The following FRS2 variants were observed in gnomAD, a reference collection of about 807,000 sequenced individuals.
FRS2 encodes the protein fibroblast growth factor receptor substrate 2, also known as FGFR signalling adaptor.
Under a neutral mutation model 43.9 loss-of-function variants are expected in FRS2, and 8 were observed. The observed-to-expected ratio is 0.18, with a 90% confidence interval of 0.11 to 0.33. The LOEUF (loss-of-function observed/expected upper bound fraction) is 0.33. FRS2 is among the 10% of genes least tolerant of loss of function. FRS2 has a pLI of 1.00. For missense variants in FRS2, 534 were observed against 627.6 expected (o/e 0.85, Z 1.59); for synonymous variants, 219 against 220.3 (o/e 0.99, Z 0.05).
intron 1 of FRS2, among the ~76,000 whole-genome samples, chr12:69,485,182 TA>T (rs1331805016): frequency 6.6e-6 from 1 of 151,022 alleles, no homozygotes. Context: ...CTTATTTATT[TA>T]TTTATTTATT....
chr12:69,551,734 C>T (rs973443411), intron 3 of FRS2, among the ~76,000 whole-genome samples: 1 of 151,964 alleles, frequency 6.6e-6, no homozygotes, highest in Non-Finnish European at 1.5e-5. Context: ...AAGAACATCA[C>T]ATCAGTCGTG....
At chr12:69,549,477 T>G (rs1878687461) in intron 3 of FRS2, among the ~76,000 whole-genome samples, 1 of 152,206 alleles carries the variant, frequency 6.6e-6, no homozygotes, top group South Asian at 2.1e-4. Flanking sequence ...TTGTTGTGGT[T>G]AATTTTGCGT....
intron 1 of FRS2, among the ~76,000 whole-genome samples, chr12:69,471,972 A>C (rs1408819322): frequency 6.6e-6 from 1 of 152,230 alleles, no homozygotes; most frequent in African/African-American, 2.4e-5. Context: ...TGCAAAGGAA[A>C]ATTTATTTCA....
intron 1 of FRS2, among the ~76,000 whole-genome samples, chr12:69,471,794 G>C: frequency 6.6e-6 from 1 of 152,232 alleles, no homozygotes; most frequent in East Asian, 1.9e-4. Context: ...TCACCTTCTT[G>C]AAACCAGTGA....
intron 7 of FRS2, 102 bp downstream of exon 7, chr12:69,571,536 G>A (rs1565783411): frequency 2.2e-6 from 2 of 926,950 alleles, no homozygotes; most frequent in East Asian, 5.0e-5. Context: ...ATCACCACTG[G>A]ATAACAGAAG....
rs548196520 is a variant in FRS2, at chr12:69,575,303, T to C, written c.*348T>C. 5.0e-4 allele frequency: 110 copies of C among 219,190 alleles called. No individual in the cohort carries two copies. Among genetic ancestry groups the C allele is most frequent in the East Asian group, 3.1e-3 (30 of 9,644 alleles). 13.6% of individuals were successfully genotyped at this position (219,190 alleles called of 1,614,324 possible). On this transcript the variant is annotated 3_prime_UTR_variant, in exon 9 of 9. Transcript: ENST00000549921. ...CATGGTTGGCTTTTAAAACTTTTTA[T>C]AAAGCCTCTTGACAATGTACATTGC...
At chr12:69,485,344 G>C (rs566437315) in intron 1 of FRS2, among the ~76,000 whole-genome samples, 4 of 151,900 alleles carry the variant, frequency 2.6e-5, no homozygotes, top group Non-Finnish European at 5.9e-5. Flanking sequence ...CACCACGCCT[G>C]GCTAATTTTT....
intron 1 of FRS2, among the ~76,000 whole-genome samples, chr12:69,493,380 T>G (rs1872624616): frequency 1.3e-5 from 2 of 152,194 alleles, no homozygotes; most frequent in Admixed American, 1.3e-4. Context: ...TAAAATTGCT[T>G]AAAATGCCCT....
intron 1 of FRS2, among the ~76,000 whole-genome samples, chr12:69,491,117 A>G (rs1872438822): frequency 6.6e-6 from 1 of 152,160 alleles, no homozygotes; most frequent in Admixed American, 6.5e-5. Flanking sequence ...CTTTTGAGAC[A>G]GGGTCTCTTG....
chr12:69,514,218 A>C (rs1273725083), intron 1 of FRS2, among the ~76,000 whole-genome samples: 1 of 152,184 alleles, frequency 6.6e-6, no homozygotes, highest in African/African-American at 2.4e-5. Context: ...AACCAGATTC[A>C]GGGCTAAGCA....
chr12:69,528,735 C>G (rs1359870292), intron 1 of FRS2, among the ~76,000 whole-genome samples: 1 of 152,262 alleles, frequency 6.6e-6, no homozygotes, highest in Middle Eastern at 3.4e-3. Context: ...TTTACAAATT[C>G]TTTGCCAGAT....
intron 8 of FRS2, among the ~76,000 whole-genome samples, chr12:69,573,482 G>A (rs1283436146): frequency 6.6e-6 from 1 of 151,702 alleles, no homozygotes; most frequent in East Asian, 1.9e-4. Flanking sequence ...TATTTTTTGA[G>A]ATGGAGCCTC....
chr12:69,520,405 A>G (rs1363208824), intron 1 of FRS2, among the ~76,000 whole-genome samples: 4 of 146,378 alleles, frequency 2.7e-5, no homozygotes, highest in Non-Finnish European at 6.0e-5. Context: ...TGCTGGGCAG[A>G]AGCCCTTTAA....
chr12:69,499,803 G>C (rs1436221540), intron 1 of FRS2, among the ~76,000 whole-genome samples: 1 of 151,088 alleles, frequency 6.6e-6, no homozygotes, highest in East Asian at 1.9e-4. Flanking sequence ...GGTGGGGGTG[G>C]GGGATGATCC....
At chr12:69,493,462 T>A (rs1219874201) in intron 1 of FRS2, among the ~76,000 whole-genome samples, 1 of 152,254 alleles carries the variant, frequency 6.6e-6, no homozygotes, top group Non-Finnish European at 1.5e-5. Flanking sequence ...GGCTCACGCC[T>A]GTGATCCCAG....
intron 3 of FRS2, among the ~76,000 whole-genome samples, chr12:69,561,756 T>C (rs982802994): frequency 2.6e-5 from 4 of 152,322 alleles, no homozygotes; most frequent in Non-Finnish European, 4.4e-5. Flanking sequence ...AGAGGAATTA[T>C]GGTGAGTGAG....
chr12:69,553,238 A>G (rs1879059023), intron 3 of FRS2, among the ~76,000 whole-genome samples: 1 of 151,686 alleles, frequency 6.6e-6, no homozygotes, highest in Admixed American at 6.6e-5. Context: ...CGCCCGGCTA[A>G]TTTTTTGTAT....
intron 1 of FRS2, among the ~76,000 whole-genome samples, chr12:69,499,856 C>T (rs1180899549): frequency 6.6e-6 from 1 of 151,768 alleles, no homozygotes; most frequent in Non-Finnish European, 1.5e-5. Context: ...TATAGTATCC[C>T]AAGTTGGAAT....
intron 1 of FRS2, among the ~76,000 whole-genome samples, chr12:69,510,185 G>A (rs1874326791): frequency 6.6e-6 from 1 of 152,108 alleles, no homozygotes; most frequent in Non-Finnish European, 1.5e-5. Flanking sequence ...TGACCCATCT[G>A]TGGAGAATGA....
Sources: gnomAD v4.1 joint callset for allele counts (sites outside exome capture counted in the v4.1 genomes callset) on GRCh38, gnomAD v4.1.1 for gene constraint, MANE v1.5 for transcripts, NCBI Gene and HGNC (gene_info 2026-07-23, HGNC 2026-07-21) for gene names.